The following HIPK2 variants were observed in gnomAD, a reference collection of about 807,000 sequenced individuals.
The protein encoded by HIPK2 is homeodomain interacting protein kinase 2, also known as homeodomain-interacting protein kinase 2.
Under a neutral mutation model 113.7 loss-of-function variants are expected in HIPK2, and 27 were observed. That is an observed-to-expected ratio of 0.24 (90% confidence interval 0.17 to 0.33). HIPK2 has a LOEUF of 0.33. Ranked by LOEUF, HIPK2 falls within the 10% of genes least tolerant of loss-of-function variation. HIPK2 has a pLI of 1.00. For synonymous variants in HIPK2, 631 were observed against 642.2 expected, an observed-to-expected ratio of 0.98 and a Z score of 0.26; for missense variants, 1,257 against 1,588.0, an observed-to-expected ratio of 0.79 and a Z score of 3.54.
At chr7:139,639,516 C>T (rs962708822) in intron 2 of HIPK2, among the ~76,000 whole-genome samples, 3 of 152,166 alleles carry the variant, frequency 2.0e-5, no homozygotes, top group African/African-American at 7.2e-5. Context: ...GCCAAGGTAG[C>T]AGCATAGCGA....
Position 139,716,471 on chromosome 7 carries a change from C to A in HIPK2, c.564G>T (p.Gln188His). The change falls in exon 2 of 15, where the codon CAG (glutamine) becomes CAT (histidine). Residue 188 changes from glutamine to histidine, a missense_variant. Gln to His is a conservative substitution (Grantham distance 24). Coordinates refer to ENST00000406875, the MANE Select transcript of HIPK2 (RefSeq NM_022740.5). The surrounding 1 kb of genome is among the most constrained non-coding windows in gnomAD (Gnocchi z 9.3). ...SNSEGDYQLV[Q>H]HEVLCSMTNT... ...TGGTCATGGAGCACAGCACCTCATGCTGCACCAGCTGATAGTCGCCCTCGC... is the reference window on the plus strand; with the variant it reads ...TGGTCATGGAGCACAGCACCTCATGATGCACCAGCTGATAGTCGCCCTCGC... The A allele has an allele frequency of 1.2e-6, 2 of 1,614,030 alleles. No homozygotes were observed. Among genetic ancestry groups the A allele is most frequent in the African/African-American group, 2.7e-5 (2 of 75,046 alleles).
intron 12 of HIPK2, among the ~76,000 whole-genome samples, chr7:139,593,651 A>G (rs1036271953): frequency 5.9e-5 from 9 of 152,216 alleles, no homozygotes; most frequent in Non-Finnish European, 8.8e-5. Flanking sequence ...GCTGAGGCTG[A>G]GCCATGTTAG....
intron 1 of HIPK2, among the ~76,000 whole-genome samples, chr7:139,751,310 C>G (rs1305269630): frequency 6.6e-6 from 1 of 152,080 alleles, no homozygotes; most frequent in Admixed American, 6.6e-5. Flanking sequence ...TCTGGAGAGA[C>G]AGGATTTAGT....
At chr7:139,753,916 G>C (rs1179895372) in intron 1 of HIPK2, among the ~76,000 whole-genome samples, 1 of 152,222 alleles carries the variant, frequency 6.6e-6, no homozygotes, top group Non-Finnish European at 1.5e-5. Flanking sequence ...TATGATACTT[G>C]GAAATGAAGA....
At chr7:139,741,968 A>G (rs1796109713) in intron 1 of HIPK2, among the ~76,000 whole-genome samples, 1 of 152,208 alleles carries the variant, frequency 6.6e-6, no homozygotes, top group African/African-American at 2.4e-5. Context: ...CTCACCTTAC[A>G]GAAGAAAGAG....
chr7:139,712,454 T>C (rs1408424533), intron 2 of HIPK2, among the ~76,000 whole-genome samples: 1 of 152,210 alleles, frequency 6.6e-6, no homozygotes, highest in African/African-American at 2.4e-5. Flanking sequence ...GAAAGTCAGA[T>C]GTCCTGGGAC....
chr7:139,734,786 T>C (rs1795891957), intron 1 of HIPK2, among the ~76,000 whole-genome samples: 1 of 152,190 alleles, frequency 6.6e-6, no homozygotes, highest in African/African-American at 2.4e-5. Flanking sequence ...ACTTGTATGG[T>C]GTTTTAGATT....
chr7:139,595,727 C>CA (rs760191671), intron 12 of HIPK2, among the ~76,000 whole-genome samples: 22 of 152,082 alleles, frequency 1.4e-4, no homozygotes, highest in Admixed American at 6.6e-5. Context: ...AGAATGTTTT[C>CA]ATCAGTCTAT....
intron 2 of HIPK2, among the ~76,000 whole-genome samples, chr7:139,701,545 A>T (rs2116850406): frequency 1.3e-5 from 2 of 152,238 alleles, no homozygotes; most frequent in South Asian, 4.1e-4. Context: ...GCTGAGACCT[A>T]CGTCTCTCTG....
rs1025754090 is a variant in HIPK2 at position 139,613,962 on chromosome 7, C to T, written c.1990+324G>A. On this transcript the variant is annotated intron_variant, in intron 8 of 14. Coordinates refer to ENST00000406875, the MANE Select transcript of HIPK2 (RefSeq NM_022740.5). This position sits in a 1 kb window ranked among gnomAD's most constrained non-coding sequence, Gnocchi z 4.2. ...TAACCCACACAGAGGATATTTCATG[C>T]GAGGAAAAGCAAGAGCTGACATCAG... Among the ~76,000 whole-genome samples the T allele has an allele frequency of 1.1e-4, 17 of 152,178 alleles. No homozygotes were observed. Among genetic ancestry groups the T allele is most frequent in the Admixed American group, 3.3e-4 (5 of 15,282 alleles).
chr7:139,667,074 A>AAACAAAAC (rs1321671195), intron 2 of HIPK2, among the ~76,000 whole-genome samples: 3 of 152,014 alleles, frequency 2.0e-5, no homozygotes, highest in African/African-American at 7.2e-5. Context: ...TAAAAAAAAA[A>AAACAAAAC]AACAAAACAA....
intron 1 of HIPK2, among the ~76,000 whole-genome samples, chr7:139,742,729 G>A (rs567499887): frequency 6.6e-6 from 1 of 152,300 alleles, no homozygotes; most frequent in South Asian, 2.1e-4. Flanking sequence ...AGAATGTTCA[G>A]AGAAGCAAAA....
At chr7:139,671,260 C>G (rs1302667409) in intron 2 of HIPK2, among the ~76,000 whole-genome samples, 2 of 151,732 alleles carry the variant, frequency 1.3e-5, no homozygotes, top group Admixed American at 1.3e-4. Context: ...GCATGTCAAA[C>G]AATAATAGAA....
intron 2 of HIPK2, among the ~76,000 whole-genome samples, chr7:139,712,197 T>C (rs1795093121): frequency 6.6e-6 from 1 of 152,212 alleles, no homozygotes; most frequent in African/African-American, 2.4e-5. Flanking sequence ...CTTTGTTTCC[T>C]GAAAAACACA....
rs116809815 is a variant in HIPK2, at chr7:139,653,432, C to A, written c.1104-21707G>T. 3.7e-3 allele frequency among the ~76,000 whole-genome samples: 553 copies of A among 150,894 alleles called. 4 individuals are homozygous for A. The highest frequency in any genetic ancestry group is 0.013 in the African/African-American group (528 of 41,008). ...AGAATGGGTGGTGGGATTTAGAGAT[C>A]TTATGGGACAAATCACACCTCCCAC... On this transcript the variant is annotated intron_variant, in intron 2 of 14. Coordinates refer to ENST00000406875, the MANE Select transcript of HIPK2 (RefSeq NM_022740.5).
At chr7:139,634,432 C>A (rs2116315332) in intron 2 of HIPK2, among the ~76,000 whole-genome samples, 1 of 152,116 alleles carries the variant, frequency 6.6e-6, no homozygotes, top group South Asian at 2.1e-4. Context: ...GCTGGGGATG[C>A]CTGTGGTGGC....
chr7:139,672,534 C>T (rs565715917), intron 2 of HIPK2, among the ~76,000 whole-genome samples: 16 of 152,222 alleles, frequency 1.1e-4, no homozygotes, highest in South Asian at 6.2e-4. Flanking sequence ...GGCGCGATCT[C>T]GGCTCACTGC....
chr7:139,722,394 G>T lies in HIPK2; in HGVS notation c.20-5379C>A, dbSNP rs191910190. On this transcript the variant is annotated intron_variant, in intron 1 of 14. Transcript: ENST00000406875. ...TTAGGGTGCACTTTGATATGCTAAA[G>T]GCAATGAGGGTTCTGACCCTTCTTT... Among the ~76,000 whole-genome samples, 15 of 152,254 alleles carry T rather than the reference G, an allele frequency of 9.9e-5. No individual in the cohort carries two copies. In the East Asian group the frequency reaches 2.5e-3, roughly 25 times the overall value.
rs905468126 is a variant in HIPK2 at position 139,714,375 on chromosome 7, G to A, written c.1103+1557C>T. 6.6e-6 allele frequency among the ~76,000 whole-genome samples: 1 copy of A among 152,204 alleles called. No individual in the cohort carries two copies. Among genetic ancestry groups the A allele is most frequent in the Non-Finnish European group, 1.5e-5 (1 of 68,030 alleles). ...AAGGTGGGAGGGCATCTGGGGATCC[G>A]AACGGAGGGGCTGTTGCTCTCCCAG... On this transcript the variant is annotated intron_variant, in intron 2 of 14. Coordinates refer to ENST00000406875, the MANE Select transcript of HIPK2 (RefSeq NM_022740.5). This position sits in a 1 kb window ranked among gnomAD's most constrained non-coding sequence, Gnocchi z 4.2.
Sources: allele counts gnomAD v4.1 joint callset (sites outside exome capture counted in the v4.1 genomes callset), GRCh38; gene constraint gnomAD v4.1.1; non-coding constraint Gnocchi (gnomAD v3.1); transcripts MANE v1.5; gene names NCBI Gene and HGNC (gene_info 2026-07-23, HGNC 2026-07-21).